PHF20: variants seen among roughly 807,000 people sequenced by gnomAD.
PHF20 encodes glioma-expressed antigen 2.
PHF20 carries 23 observed loss-of-function variants against 113.5 expected under a neutral mutation model. The ratio of observed to expected loss-of-function variants is 0.20; its 90% confidence interval spans 0.15 to 0.29. PHF20 has a LOEUF of 0.29. Ranked by LOEUF, PHF20 falls within the 10% of genes least tolerant of loss-of-function variation. The pLI, the probability that PHF20 is intolerant of heterozygous loss-of-function variation, is 1.00. For missense variants in PHF20, 943 were observed against 1,219.6 expected (o/e 0.77, Z 3.38); for synonymous variants, 434 against 457.3 (o/e 0.95, Z 0.65).
At chr20:35,832,226 T>C (rs1166503771) in intron 2 of PHF20, among the ~76,000 whole-genome samples, 1 of 152,122 alleles carries the variant, frequency 6.6e-6, no homozygotes, top group Admixed American at 6.6e-5. Flanking sequence ...TTCCCCAGGG[T>C]TGTCTTGGGC....
intron 2 of PHF20, among the ~76,000 whole-genome samples, chr20:35,806,376 G>T (rs2041881865): frequency 1.4e-5 from 2 of 145,052 alleles, no homozygotes; most frequent in Admixed American, 1.4e-4. Context: ...GGCCAAGCTG[G>T]TCTTGAACTC....
chr20:35,830,020 T>G (rs2042331437), intron 2 of PHF20, among the ~76,000 whole-genome samples: 1 of 151,984 alleles, frequency 6.6e-6, no homozygotes, highest in African/African-American at 2.4e-5. Context: ...TTCAAGCAGT[T>G]CTGCTGCCTC....
intron 10 of PHF20, among the ~76,000 whole-genome samples, chr20:35,911,692 T>C (rs1476486743): frequency 6.6e-6 from 1 of 151,972 alleles, no homozygotes; most frequent in Non-Finnish European, 1.5e-5. Flanking sequence ...AGATTCCCAC[T>C]CTGTCACCCA....
intron 6 of PHF20, among the ~76,000 whole-genome samples, chr20:35,864,270 T>C (rs533421885): frequency 6.6e-6 from 1 of 152,154 alleles, no homozygotes; most frequent in African/African-American, 2.4e-5. Flanking sequence ...GTGGATACAT[T>C]TAAAATACAA....
intron 1 of PHF20, among the ~76,000 whole-genome samples, chr20:35,775,685 C>T (rs968463670): frequency 1.5e-4 from 19 of 127,962 alleles, no homozygotes; most frequent in African/African-American, 5.0e-4. Context: ...ACCCGGGAGG[C>T]GGAGGTTGCA....
chr20:35,857,014 T>G (rs892848537), intron 4 of PHF20, among the ~76,000 whole-genome samples: 3 of 152,096 alleles, frequency 2.0e-5, no homozygotes, highest in African/African-American at 4.8e-5. Flanking sequence ...GGGAAGAGAA[T>G]GTATCAGAAG....
chr20:35,931,208 C>T (rs2055745529), intron 14 of PHF20, 41 bp from the exon 15 acceptor site: 2 of 1,463,714 alleles, frequency 1.4e-6, no homozygotes, highest in Non-Finnish European at 1.9e-6. Context: ...CCTGGGTTTC[C>T]TTCAGGCCTT....
At chr20:35,937,546 T>G (rs1027685036) in intron 15 of PHF20, among the ~76,000 whole-genome samples, 3 of 151,830 alleles carry the variant, frequency 2.0e-5, no homozygotes, top group Admixed American at 2.0e-4. Context: ...TCTTACCATG[T>G]AGATGAAGCC....
intron 9 of PHF20, among the ~76,000 whole-genome samples, chr20:35,892,507 C>T (rs954207600): frequency 1.3e-5 from 2 of 152,184 alleles, no homozygotes; most frequent in South Asian, 2.1e-4. Context: ...CCACGTCTGG[C>T]CTTTTTTGTT....
chr20:35,788,734 C>T (rs1389474689), intron 1 of PHF20, among the ~76,000 whole-genome samples: 9 of 152,166 alleles, frequency 5.9e-5, no homozygotes, highest in Non-Finnish European at 8.8e-5. Flanking sequence ...TACACCACCA[C>T]GCCTGGCTAA....
chr20:35,781,309 A>G (rs1170628825), intron 1 of PHF20, among the ~76,000 whole-genome samples: 1 of 151,396 alleles, frequency 6.6e-6, no homozygotes, highest in Admixed American at 6.6e-5. Flanking sequence ...ACATCCGGCT[A>G]ATTTTCATAT....
chr20:35,935,922 T>C (rs2055855678), intron 15 of PHF20, among the ~76,000 whole-genome samples: 1 of 152,212 alleles, frequency 6.6e-6, no homozygotes, highest in Non-Finnish European at 1.5e-5. Flanking sequence ...CTGGTGAATT[T>C]ATTTTCGAAG....
At chr20:35,867,698 C>T (rs2054342452) in intron 6 of PHF20, among the ~76,000 whole-genome samples, 1 of 152,170 alleles carries the variant, frequency 6.6e-6, no homozygotes, top group African/African-American at 2.4e-5. Context: ...TTTGCTTCCT[C>T]ACACTTCAGG....
At chr20:35,866,352 T>C (rs1485008115) in intron 6 of PHF20, among the ~76,000 whole-genome samples, 3 of 152,228 alleles carry the variant, frequency 2.0e-5, no homozygotes, top group Non-Finnish European at 4.4e-5. Flanking sequence ...CAAGGCATCC[T>C]TGATCTGTGA....
At chr20:35,847,862 A>G (rs1298887399) in intron 4 of PHF20, among the ~76,000 whole-genome samples, 1 of 152,208 alleles carries the variant, frequency 6.6e-6, no homozygotes, top group Non-Finnish European at 1.5e-5. Context: ...TGGAGTTGCT[A>G]GTGGAAACTG....
At chr20:35,857,562 C>CTTTTTTTTTTTTTTTTTTTTTTTTTTT (rs56655276) in intron 4 of PHF20, among the ~76,000 whole-genome samples, 5 of 99,680 alleles carry the variant, frequency 5.0e-5, no homozygotes, top group African/African-American at 7.4e-5. Flanking sequence ...AATGATGTTC[C>CTTTTTTTTTTTTTTTTTTTTTTTTTTT]TTTTTTTTTT....
At position 35,950,073 on chromosome 20, in the gene PHF20, AAAAG is replaced by A. The variant is rs2056153659; in HGVS notation, c.*2454_*2457del. 1 of 152,662 alleles carries A rather than the reference AAAAG, an allele frequency of 6.6e-6. No homozygotes were observed. Among genetic ancestry groups the A allele is most frequent in the Non-Finnish European group, 1.5e-5 (1 of 68,056 alleles). 9.5% of individuals were successfully genotyped at this position (152,662 alleles called of 1,614,324 possible). A position where few individuals can be genotyped will look rare whatever the true frequency, so the allele number is the denominator to read the frequency against. Reference sequence around the variant, plus strand: ...CATCTCAAAAAAATAAAAATAAAAGAAAAGAAAGAAATATGTGCACTACCTAAGT... The same window carrying A: ...CATCTCAAAAAAATAAAAATAAAAGAAAAGAAATATGTGCACTACCTAAGT... On this transcript the variant is annotated 3_prime_UTR_variant, in exon 18 of 18. Coordinates refer to ENST00000374012, the MANE Select transcript of PHF20 (RefSeq NM_016436.5).
rs143297953 is a variant in PHF20, at chr20:35,911,264, A to G, written c.1562-1985A>G. ...TTACCATGTTAGCCAGGATGGTCTC[A>G]ATCTCCTGACCTCGTGATCCGCCCG... On this transcript the variant is annotated intron_variant, in intron 10 of 17. Coordinates refer to ENST00000374012, the MANE Select transcript of PHF20 (RefSeq NM_016436.5). 2.7e-3 allele frequency among the ~76,000 whole-genome samples: 418 copies of G among 152,060 alleles called. 9 individuals are homozygous for G. In the East Asian group the frequency reaches 0.071, roughly 26 times the overall value.
At chr20:35,889,881 C>T (rs1190050131) in intron 9 of PHF20, among the ~76,000 whole-genome samples, 1 of 151,926 alleles carries the variant, frequency 6.6e-6, no homozygotes. Flanking sequence ...GCATGCACCA[C>T]CATGCCTGGC....
Sources: allele counts gnomAD v4.1 joint callset (sites outside exome capture counted in the v4.1 genomes callset), GRCh38; gene constraint gnomAD v4.1.1; transcripts MANE v1.5; gene names NCBI Gene and HGNC (gene_info 2026-07-23, HGNC 2026-07-21).